CUX2: variants seen among roughly 807,000 people sequenced by gnomAD.
CUX2 encodes the protein cut like homeobox 2.
In CUX2, 40 loss-of-function variants were observed where a neutral mutation model predicts 144.8. The ratio of observed to expected loss-of-function variants is 0.28; its 90% CI spans 0.21 to 0.36. The LOEUF is 0.36. Among genes scored for constraint, CUX2 ranks in the 10% least tolerant of loss-of-function variants. CUX2 has a pLI of 1.00. For missense variants in CUX2, 1,615 were observed against 1,994.0 expected, an observed-to-expected ratio of 0.81 and a Z score of 3.62; for synonymous variants, 827 against 875.6, an observed-to-expected ratio of 0.94 and a Z score of 0.98.
chr12:111,182,100 AGGGCAGGGTCGGGG>A (rs1203848918), intron 1 of CUX2, among the ~76,000 whole-genome samples: 12 of 152,136 alleles, frequency 7.9e-5, no homozygotes, highest in Admixed American at 6.5e-4. Flanking sequence ...AAGATGTTTC[AGGGCAGGGTCGGGG>A]GATAAAAATC....
rs1054463677 is a variant in CUX2, at chr12:111,160,952, C to T, written c.64-53248C>T. Among the ~76,000 whole-genome samples, 3 of 152,108 alleles carry T rather than the reference C, an allele frequency of 2.0e-5. No individual in the cohort carries two copies. The highest frequency in any genetic ancestry group is 2.4e-5 in the African/African-American group (1 of 41,406). On this transcript the variant is annotated intron_variant, in intron 1 of 21. Coordinates refer to ENST00000261726, the MANE Select transcript of CUX2 (RefSeq NM_015267.4). This position sits in a 1 kb window ranked among gnomAD's most constrained non-coding sequence, Gnocchi z 4.1. Reference sequence around the variant, plus strand: ...AGATGGGACGTGAGAGTGCAGAGTTCCCTTTTGGCTATGGGTTTGAAACCT... The same window carrying T: ...AGATGGGACGTGAGAGTGCAGAGTTTCCTTTTGGCTATGGGTTTGAAACCT...
chr12:111,259,330 A>G (rs1883994075), intron 3 of CUX2, among the ~76,000 whole-genome samples: 1 of 152,152 alleles, frequency 6.6e-6, no homozygotes, highest in South Asian at 2.1e-4. Flanking sequence ...CGCGGGCCAC[A>G]AAGTCTCTTT....
Position 111,323,681 on chromosome 12 carries a change from C to T in CUX2, c.2926+1101C>T, listed in dbSNP as rs147687563. Among the ~76,000 whole-genome samples the T allele has an allele frequency of 2.4e-3, 367 of 151,954 alleles. 2 individuals carry two copies. The highest frequency in any genetic ancestry group is 7.5e-3 in the African/African-American group (309 of 41,446). The stretch of plus-strand genomic sequence containing the variant: ...GTACGTACCTGTGGTCCCAGCTACT[C>T]GGGAGGCTGAGGCAGGAGGATCACT... On this transcript the variant is annotated intron_variant, in intron 18 of 21. Transcript: ENST00000261726.
chr12:111,034,333 C>A lies in CUX2; in HGVS notation c.63+93C>A, dbSNP rs1321330280. On this transcript the variant is annotated intron_variant, in intron 1 of 21. Coordinates refer to ENST00000261726, the MANE Select transcript of CUX2 (RefSeq NM_015267.4). The surrounding 1 kb of genome is among the most constrained non-coding windows in gnomAD (Gnocchi z 4.2). Reference sequence around the variant, plus strand: ...AGGTCCCCGGGCGGGCAGGCGGACGCCCTGGGGCGGCGGGCGGCGGCTGCC... The same window carrying A: ...AGGTCCCCGGGCGGGCAGGCGGACGACCTGGGGCGGCGGGCGGCGGCTGCC... 2 of 717,490 alleles carry A rather than the reference C, an allele frequency of 2.8e-6. No homozygotes were observed. Among genetic ancestry groups the A allele is most frequent in the South Asian group, 6.1e-5 (1 of 16,514 alleles). 44.4% of individuals were successfully genotyped at this position (717,490 alleles called of 1,614,324 possible).
chr12:111,332,821 T>C (rs1888180401), intron 18 of CUX2, among the ~76,000 whole-genome samples: 1 of 152,204 alleles, frequency 6.6e-6, no homozygotes. Flanking sequence ...TTTACAGTGG[T>C]AAAATACTGG....
intron 1 of CUX2, among the ~76,000 whole-genome samples, chr12:111,208,230 G>A (rs535469269): frequency 4.6e-5 from 7 of 152,164 alleles, no homozygotes; most frequent in African/African-American, 7.2e-5. Context: ...GTTTCTTCTC[G>A]GAGGTGGCCT....
At chr12:111,264,322 A>T (rs190100907) in intron 4 of CUX2, among the ~76,000 whole-genome samples, 8 of 152,340 alleles carry the variant, frequency 5.3e-5, no homozygotes, top group African/African-American at 1.9e-4. Context: ...ATCTAAAAAC[A>T]GACAATTAAT....
rs189591689 is a variant in CUX2 at position 111,199,239 on chromosome 12, G to A, written c.64-14961G>A. ...GGTACAAGTGAGGACACTGAAGCTC[G>A]GAGAGGCACGCTGACTTGCCCTGGG... On this transcript the variant is annotated intron_variant, in intron 1 of 21. Transcript: ENST00000261726. Among the ~76,000 whole-genome samples the A allele has an allele frequency of 4.6e-5, 7 of 152,208 alleles. No homozygotes were observed. The East Asian group carries it at 7.7e-4, about 17-fold the overall frequency.
chr12:111,063,139 C>T lies in CUX2; in HGVS notation c.63+28899C>T, dbSNP rs556651788. On this transcript the variant is annotated intron_variant, in intron 1 of 21. Transcript: ENST00000261726. ...TCTGGCCCAAGTCTGTATGTCTGGCCTCCCTGGGCATCCAGAAAGTTCCCC... is the reference window on the plus strand; with the variant it reads ...TCTGGCCCAAGTCTGTATGTCTGGCTTCCCTGGGCATCCAGAAAGTTCCCC... Among the ~76,000 whole-genome samples the T allele has an allele frequency of 9.1e-4, 139 of 152,328 alleles. 1 individual carries two copies. The highest frequency in any genetic ancestry group is 3.1e-3 in the African/African-American group (129 of 41,560).
rs546401202 is a variant in CUX2, at chr12:111,166,948, G to A, written c.64-47252G>A. Reference sequence around the variant, plus strand: ...GCTGCTGGCTGCCACGTGGAGTGCCGTTTGGAGGCGGTGGGAATTATTCGG... The same window carrying A: ...GCTGCTGGCTGCCACGTGGAGTGCCATTTGGAGGCGGTGGGAATTATTCGG... On this transcript the variant is annotated intron_variant, in intron 1 of 21. Coordinates refer to ENST00000261726, the MANE Select transcript of CUX2 (RefSeq NM_015267.4). 4.6e-5 allele frequency among the ~76,000 whole-genome samples: 7 copies of A among 152,314 alleles called. No individual in the cohort carries two copies. In the South Asian group the frequency reaches 8.3e-4, roughly 18 times the overall value.
At chr12:111,269,840 G>A (rs542766734) in intron 4 of CUX2, among the ~76,000 whole-genome samples, 1 of 152,048 alleles carries the variant, frequency 6.6e-6, no homozygotes, top group Non-Finnish European at 1.5e-5. Flanking sequence ...CAAGCCCAGT[G>A]CTGACTCCAG....
rs759346481 is a variant in CUX2, at chr12:111,295,134, G to A, written c.561-199G>A. Among the ~76,000 whole-genome samples the A allele has an allele frequency of 6.6e-6, 1 of 152,234 alleles. No individual in the cohort carries two copies. The highest frequency in any genetic ancestry group is 1.5e-5 in the Non-Finnish European group (1 of 68,046). On this transcript the variant is annotated intron_variant, in intron 6 of 21. Coordinates refer to ENST00000261726, the MANE Select transcript of CUX2 (RefSeq NM_015267.4). The surrounding 1 kb of genome is among the most constrained non-coding windows in gnomAD (Gnocchi z 5.0). ...ATCCTGGCAGAAACTAACAGGAGCA[G>A]CCATGACAGGGTCCACATAGGCAGT...
chr12:111,201,755 C>T (rs1353341948), intron 1 of CUX2, among the ~76,000 whole-genome samples: 2 of 152,182 alleles, frequency 1.3e-5, no homozygotes, highest in Non-Finnish European at 2.9e-5. Context: ...AGACTTTCTT[C>T]CCACCCCCAG....
chr12:111,147,528 A>T lies in CUX2; in HGVS notation c.64-66672A>T, dbSNP rs571343149. On this transcript the variant is annotated intron_variant, in intron 1 of 21. Coordinates refer to ENST00000261726, the MANE Select transcript of CUX2 (RefSeq NM_015267.4). ...CAAGCTGGGATTAAGAGCCTTTTTC[A>T]AGTTCATGGTTCCCACCCTCTCGTG... 2.0e-5 allele frequency among the ~76,000 whole-genome samples: 3 copies of T among 152,178 alleles called. No individual in the cohort carries two copies. In the South Asian group the frequency reaches 6.2e-4, roughly 32 times the overall value.
At position 111,255,835 on chromosome 12, in the gene CUX2, C is replaced by T. The variant is rs758546906; in HGVS notation, c.223-7926C>T. ...CGAAGTAGCTGTTACCCCCATTTTC[C>T]GGGTGGTAGGAAATCAGAAGGGTGC... On this transcript the variant is annotated intron_variant, in intron 3 of 21. Transcript: ENST00000261726. This position sits in a 1 kb window ranked among gnomAD's most constrained non-coding sequence, Gnocchi z 4.1. Among the ~76,000 whole-genome samples the T allele has an allele frequency of 2.1e-4, 32 of 152,134 alleles. No homozygotes were observed. Among genetic ancestry groups the T allele is most frequent in the African/African-American group, 4.3e-4 (18 of 41,414 alleles).
intron 1 of CUX2, among the ~76,000 whole-genome samples, chr12:111,162,157 G>A (rs1040501622): frequency 6.6e-6 from 1 of 152,234 alleles, no homozygotes; most frequent in African/African-American, 2.4e-5. Flanking sequence ...ACTAGTAAGC[G>A]GCATTGCCGG....
chr12:111,292,508 T>C (rs1885744269), intron 5 of CUX2, among the ~76,000 whole-genome samples: 1 of 152,182 alleles, frequency 6.6e-6, no homozygotes, highest in African/African-American at 2.4e-5. Flanking sequence ...GAGAATTGCC[T>C]GAACCTGGGA....
At chr12:111,226,442 A>G (rs186888061) in intron 3 of CUX2, among the ~76,000 whole-genome samples, 2 of 152,356 alleles carry the variant, frequency 1.3e-5, no homozygotes, top group African/African-American at 4.8e-5. Context: ...ACGCCATATT[A>G]CAACCAAATT....
intron 3 of CUX2, among the ~76,000 whole-genome samples, chr12:111,232,658 C>T (rs1030618611): frequency 6.6e-6 from 1 of 152,144 alleles, no homozygotes; most frequent in African/African-American, 2.4e-5. Context: ...TGAGGTACGG[C>T]TGTTGATAGC....
Sources: gnomAD v4.1 joint callset for allele counts (sites outside exome capture counted in the v4.1 genomes callset) on GRCh38, gnomAD v4.1.1 for gene constraint, Gnocchi (gnomAD v3.1) non-coding constraint, MANE v1.5 for transcripts, NCBI Gene and HGNC (gene_info 2026-07-23, HGNC 2026-07-21) for gene names.